NKAIN3: variants seen among roughly 807,000 people sequenced by gnomAD.
NKAIN3 encodes the protein sodium/potassium-transporting ATPase subunit beta-1-interacting protein 3.
A neutral mutation model predicts 30.2 loss-of-function variants in NKAIN3; 25 were observed. The observed-to-expected ratio is 0.83, with a 90% CI of 0.60 to 1.16. The LOEUF (loss-of-function observed/expected upper bound fraction) is 1.16. Ranked by LOEUF, NKAIN3 falls within the 50% of genes most tolerant of loss-of-function variation. The probability of loss-of-function intolerance (pLI) is 0.00; values close to 1 mark genes in which losing one functional copy is unlikely to be tolerated. For synonymous variants in NKAIN3, 91 were observed against 89.6 expected, an observed-to-expected ratio of 1.02 and a Z score of -0.09; for missense variants, 225 against 254.1, an observed-to-expected ratio of 0.89 and a Z score of 0.78.
At chr8:62,743,558 G>A (rs1051927542) in intron 3 of NKAIN3, among the ~76,000 whole-genome samples, 1 of 152,166 alleles carries the variant, frequency 6.6e-6, no homozygotes, top group African/African-American at 2.4e-5. Context: ...GTTTTGATTT[G>A]ATGTAGAATG....
chr8:62,427,942 TTCTA>T (rs940591008), intron 1 of NKAIN3, among the ~76,000 whole-genome samples: 5 of 151,580 alleles, frequency 3.3e-5, no homozygotes, highest in Non-Finnish European at 7.4e-5. Flanking sequence ...ATTTTATTTC[TTCTA>T]TCTAACTGTA....
In NKAIN3 at chr8:62,507,391, A is replaced by G. The variant is rs1807676704; in HGVS notation, c.55-72148A>G. 2.6e-5 allele frequency among the ~76,000 whole-genome samples: 4 copies of G among 152,322 alleles called. No individual in the cohort carries two copies. The South Asian group carries it at 6.2e-4, about 24-fold the overall frequency. The stretch of plus-strand genomic sequence containing the variant: ...CACTCATTAAATGTTTATTATTTGA[A>G]TAAGAGAATCATTTTATTTGTCTTC... On this transcript the variant is annotated intron_variant, in intron 1 of 6. Coordinates refer to ENST00000623646, the MANE Select transcript of NKAIN3 (RefSeq NM_001304533.3).
chr8:62,331,269 C>T (rs1270544609), intron 1 of NKAIN3, among the ~76,000 whole-genome samples: 4 of 151,682 alleles, frequency 2.6e-5, no homozygotes, highest in Non-Finnish European at 5.9e-5. Context: ...CCCCAGCTAA[C>T]TCCTACATGT....
chr8:62,759,662 T>A (rs1816581111), intron 4 of NKAIN3, among the ~76,000 whole-genome samples: 1 of 152,188 alleles, frequency 6.6e-6, no homozygotes, highest in Admixed American at 6.5e-5. Context: ...ATTGCAGTAA[T>A]GCTGCAGAAA....
intron 1 of NKAIN3, among the ~76,000 whole-genome samples, chr8:62,425,332 T>C (rs1237188850): frequency 6.6e-6 from 1 of 151,928 alleles, no homozygotes; most frequent in Admixed American, 6.6e-5. Context: ...GGGAAAATTA[T>C]TCAATACTTT....
chr8:62,373,125 T>C (rs779746181), intron 1 of NKAIN3, among the ~76,000 whole-genome samples: 27 of 152,150 alleles, frequency 1.8e-4, no homozygotes, highest in Non-Finnish European at 3.4e-4. Context: ...CTATTTAAGG[T>C]AGTTAAGTGC....
At chr8:62,479,163 A>C (rs948737485) in intron 1 of NKAIN3, among the ~76,000 whole-genome samples, 3 of 152,210 alleles carry the variant, frequency 2.0e-5, no homozygotes, top group South Asian at 4.1e-4. Flanking sequence ...GACTTTGAGG[A>C]TTCATTCCTG....
At chr8:62,852,579 T>G (rs1274737381) in intron 4 of NKAIN3, among the ~76,000 whole-genome samples, 1 of 152,174 alleles carries the variant, frequency 6.6e-6, no homozygotes, top group Non-Finnish European at 1.5e-5. Flanking sequence ...CTGCTTTCTC[T>G]TGTGGGCATT....
chr8:62,831,971 A>C (rs1245755970), intron 4 of NKAIN3, among the ~76,000 whole-genome samples: 4 of 152,216 alleles, frequency 2.6e-5, no homozygotes, highest in South Asian at 4.1e-4. Flanking sequence ...TAAAAAAAGA[A>C]ATATCAGACC....
intron 3 of NKAIN3, among the ~76,000 whole-genome samples, chr8:62,643,081 C>CT (rs202207662): frequency 3.3e-5 from 5 of 151,958 alleles, no homozygotes; most frequent in Non-Finnish European, 2.9e-5. Context: ...TTGATAGCAT[C>CT]TTTTTTTGGC....
intron 1 of NKAIN3, among the ~76,000 whole-genome samples, chr8:62,479,669 C>T (rs1001952440): frequency 6.6e-6 from 1 of 152,138 alleles, no homozygotes; most frequent in African/African-American, 2.4e-5. Context: ...CCAACAGGAA[C>T]CTTTCAAAGG....
At chr8:62,835,633 A>T (rs1819336582) in intron 4 of NKAIN3, among the ~76,000 whole-genome samples, 1 of 152,160 alleles carries the variant, frequency 6.6e-6, no homozygotes. Context: ...AACCAAAACC[A>T]CAATGAGATA....
At chr8:62,479,076 G>A (rs1311660303) in intron 1 of NKAIN3, among the ~76,000 whole-genome samples, 1 of 152,082 alleles carries the variant, frequency 6.6e-6, no homozygotes, top group African/African-American at 2.4e-5. Flanking sequence ...TCGCCTGCAG[G>A]TGCTAGCCTC....
At chr8:62,939,901 T>C (rs1822901437) in intron 5 of NKAIN3, among the ~76,000 whole-genome samples, 1 of 152,062 alleles carries the variant, frequency 6.6e-6, no homozygotes, top group Non-Finnish European at 1.5e-5. Context: ...GAATAGTACC[T>C]TACATCTCAA....
At chr8:62,789,691 C>T (rs1267908261) in intron 4 of NKAIN3, among the ~76,000 whole-genome samples, 1 of 152,072 alleles carries the variant, frequency 6.6e-6, no homozygotes, top group Non-Finnish European at 1.5e-5. Flanking sequence ...CACCTCTACA[C>T]AAATAAACTA....
At chr8:62,589,875 TTGTGTGTGTGTGTGTGTGTGTGTGTG>T (rs35791396) in intron 3 of NKAIN3, 81 bp downstream of exon 3, 4 of 429,966 alleles carry the variant, frequency 9.3e-6, no homozygotes, top group Non-Finnish European at 1.7e-5. Flanking sequence ...TATAGGTATA[TTGTGTGTGTGTGTGTGTGTGTGTGTG>T]TGTGTGTGTG....
intron 1 of NKAIN3, among the ~76,000 whole-genome samples, chr8:62,487,653 AAATAT>A (rs1806944027): frequency 6.6e-6 from 1 of 152,124 alleles, no homozygotes; most frequent in South Asian, 2.1e-4. Context: ...CTGCACTGTA[AAATAT>A]AATCACAAAA....
At chr8:62,823,582 A>G (rs1258181728) in intron 4 of NKAIN3, among the ~76,000 whole-genome samples, 1 of 152,200 alleles carries the variant, frequency 6.6e-6, no homozygotes, top group Admixed American at 6.5e-5. Context: ...TTGCTTTGAG[A>G]CGATTAAAAC....
intron 2 of NKAIN3, 40 bp downstream of exon 2, chr8:62,579,716 T>G (rs200277857): frequency 5.0e-6 from 6 of 1,201,314 alleles, no homozygotes; most frequent in Middle Eastern, 2.1e-4. Context: ...TATAAACAAT[T>G]CAAAATTTCT....
Sources: allele counts gnomAD v4.1 joint callset (sites outside exome capture counted in the v4.1 genomes callset), GRCh38; gene constraint gnomAD v4.1.1; transcripts MANE v1.5; gene names NCBI Gene and HGNC (gene_info 2026-07-23, HGNC 2026-07-21).